METTL2B: variants seen among roughly 807,000 people sequenced by gnomAD.
METTL2B encodes tRNA N(3)-cytidine methyltransferase METTL2B.
Under a neutral mutation model 51.0 loss-of-function variants are expected in METTL2B, and 28 were observed. The observed-to-expected ratio is 0.55, with a 90% CI of 0.41 to 0.75. The LOEUF (loss-of-function observed/expected upper bound fraction) is 0.75. Ranked by LOEUF, METTL2B falls within the 30% of genes least tolerant of loss-of-function variation. The pLI is 0.00. For missense variants in METTL2B, 313 were observed against 460.7 expected (o/e 0.68, Z 2.93); for synonymous variants, 128 against 166.3 (o/e 0.77, Z 1.77).
intron 4 of METTL2B, chr7:128,483,478 T>G (rs1211635420): frequency 6.6e-6 from 1 of 152,520 alleles, no homozygotes; most frequent in East Asian, 1.9e-4. Flanking sequence ...CTCTATTTCC[T>G]TCCTTCCTCA....
intron 7 of METTL2B, among the ~76,000 whole-genome samples, chr7:128,498,808 G>A (rs954470143): frequency 3.9e-5 from 6 of 152,050 alleles, no homozygotes; most frequent in Admixed American, 3.3e-4. Context: ...AGACCAGCCC[G>A]ACCAACATGG....
chr7:128,484,217 C>CTTTTTTTTTTTTTTTTTG (rs1792642432), intron 4 of METTL2B: 5 of 42,414 alleles, frequency 1.2e-4, no homozygotes, highest in African/African-American at 5.0e-4. Flanking sequence ...TGCCTAGATC[C>CTTTTTTTTTTTTTTTTTG]TTTTTTTTTT....
In METTL2B at chr7:128,506,476, G is replaced by A. The variant is rs1419653272; in HGVS notation, c.*4560G>A. 2.0e-5 allele frequency: 3 copies of A among 152,128 alleles called. No individual in the cohort carries two copies. The highest frequency in any genetic ancestry group is 7.2e-5 in the African/African-American group (3 of 41,426). The allele number at this position is 152,128 out of a possible 1,614,324, so 9.4% of individuals were successfully genotyped here. A position where few individuals can be genotyped will look rare whatever the true frequency, so the allele number is the denominator to read the frequency against. ...TCTCAGGCCAAATTTGACTCTGTAAGGGACTTTGCATAACGTTTCATCCTC... is the reference window on the plus strand; with the variant it reads ...TCTCAGGCCAAATTTGACTCTGTAAAGGACTTTGCATAACGTTTCATCCTC... On this transcript the variant is annotated 3_prime_UTR_variant, in exon 9 of 9. Transcript: ENST00000262432.
intron 4 of METTL2B, among the ~76,000 whole-genome samples, chr7:128,484,834 G>A (rs1177637716): frequency 6.6e-6 from 1 of 152,136 alleles, no homozygotes; most frequent in East Asian, 1.9e-4. Flanking sequence ...GCCTGCCTCG[G>A]CCTGCCAAAG....
chr7:128,485,300 A>G (rs1297380776), intron 4 of METTL2B, among the ~76,000 whole-genome samples: 2 of 152,268 alleles, frequency 1.3e-5, no homozygotes, highest in East Asian at 1.9e-4. Flanking sequence ...TGGAAGGCCA[A>G]GGAGATAGGA....
intron 7 of METTL2B, 82 bp downstream of exon 7, chr7:128,498,224 C>G: frequency 6.8e-7 from 1 of 1,474,150 alleles, no homozygotes; most frequent in Non-Finnish European, 9.2e-7. Flanking sequence ...TCATCATTCT[C>G]AGCAAACTAA....
chr7:128,494,432 T>G (rs1441720358), intron 6 of METTL2B, among the ~76,000 whole-genome samples: 2 of 152,262 alleles, frequency 1.3e-5, no homozygotes, highest in African/African-American at 4.8e-5. Flanking sequence ...GTCCAACTTC[T>G]GTTCTGGCCT....
Position 128,479,193 on chromosome 7 carries a change from G to T in METTL2B, c.238G>T (p.Asp80Tyr), listed in dbSNP as rs1480755207. The change falls in exon 3 of 9, where the codon GAC (aspartate) becomes TAC (tyrosine). Residue 80 changes from aspartate to tyrosine, a missense_variant. By Grantham distance (160) the Asp-to-Tyr change is radical. Around this residue, in one of 4 missense-constraint regions of METTL2B, gnomAD observed 67 missense variants for 101.4 expected, o/e 0.66. Coordinates refer to ENST00000262432, the MANE Select transcript of METTL2B (RefSeq NM_018396.3). ...GATCAATGCCCACAAATACTGGAAT[G>T]ACTTCTACAAAATCCACGAAAATGG... is the stretch of plus-strand genomic sequence containing the variant. ...YEINAHKYWN[D>Y]FYKIHENGFF... 17 of 1,613,984 alleles carry T rather than the reference G, an allele frequency of 1.1e-5. No individual in the cohort carries two copies. Among genetic ancestry groups the T allele is most frequent in the Non-Finnish European group, 1.4e-5 (17 of 1,179,832 alleles).
rs1793106318 is a variant in METTL2B, at chr7:128,505,288, G to C, written c.*3372G>C. The C allele has an allele frequency of 6.6e-6, 1 of 151,818 alleles. No individual in the cohort carries two copies. The highest frequency in any genetic ancestry group is 6.6e-5 in the Admixed American group (1 of 15,210). 9.4% of individuals were successfully genotyped at this position (151,818 alleles called of 1,614,324 possible). ...CTCAAAATAAAAAAACAAAAAAAATGTAAAAAATAAATAATTGTATTGAAT... is the reference window on the plus strand; with the variant it reads ...CTCAAAATAAAAAAACAAAAAAAATCTAAAAAATAAATAATTGTATTGAAT... On this transcript the variant is annotated 3_prime_UTR_variant, in exon 9 of 9. Transcript: ENST00000262432.
chr7:128,491,322 G>A (rs940796242), intron 5 of METTL2B, among the ~76,000 whole-genome samples: 3 of 151,752 alleles, frequency 2.0e-5, no homozygotes, highest in Admixed American at 6.6e-5. Context: ...TAGGCCGGGT[G>A]CAGTGGTTCA....
Position 128,501,399 on chromosome 7 carries a change from C to A in METTL2B, c.983-363C>A, listed in dbSNP as rs987896666. 4.1e-5 allele frequency: 40 copies of A among 985,316 alleles called. 1 individual carries two copies. Among genetic ancestry groups the A allele is most frequent in the Non-Finnish European group, 4.6e-5 (38 of 829,916 alleles). 61.0% of individuals were successfully genotyped at this position (985,316 alleles called of 1,614,324 possible). ...TCATCCTTCACTTGGGCCTTCTGTT[C>A]CTGGGCCCTTTTTAGGGTCACCTTC... On this transcript the variant is annotated intron_variant, in intron 8 of 8. Transcript: ENST00000262432.
Position 128,502,811 on chromosome 7 carries a change from T to A in METTL2B, c.*895T>A, listed in dbSNP as rs1793055652. The stretch of plus-strand genomic sequence containing the variant: ...TACTCGGGAGGCTGAGGCAGGAGAA[T>A]CACTTGAACCCAGGAGGCAGAGGTT... On this transcript the variant is annotated 3_prime_UTR_variant, in exon 9 of 9. Coordinates refer to ENST00000262432, the MANE Select transcript of METTL2B (RefSeq NM_018396.3). The A allele has an allele frequency of 1.9e-5, 6 of 315,946 alleles. No homozygotes were observed. Among genetic ancestry groups the A allele is most frequent in the South Asian group, 1.4e-4 (6 of 43,718 alleles). The allele number at this position is 315,946 out of a possible 1,614,324, so 19.6% of individuals were successfully genotyped here.
At position 128,502,463 on chromosome 7, in the gene METTL2B, G is replaced by T. The variant is rs1463105021; in HGVS notation, c.*547G>T. On this transcript the variant is annotated 3_prime_UTR_variant, in exon 9 of 9. Coordinates refer to ENST00000262432, the MANE Select transcript of METTL2B (RefSeq NM_018396.3). ...GCAATTGCAGTTAATACATACAGGG[G>T]TTAGTGAAGGGCTTATTAAGTTGTA... is the stretch of plus-strand genomic sequence containing the variant. The T allele has an allele frequency of 7.8e-6, 3 of 385,324 alleles. No individual in the cohort carries two copies. The highest frequency in any genetic ancestry group is 1.5e-5 in the Non-Finnish European group (3 of 198,834). The allele number at this position is 385,324 out of a possible 1,614,324, so 23.9% of individuals were successfully genotyped here. A position where few individuals can be genotyped will look rare whatever the true frequency, so the allele number is the denominator to read the frequency against.
chr7:128,496,175 A>G (rs1032129117), intron 6 of METTL2B, among the ~76,000 whole-genome samples: 5 of 152,180 alleles, frequency 3.3e-5, no homozygotes, highest in Non-Finnish European at 7.3e-5. Context: ...AAGTTATCCA[A>G]CCTTAGAGGA....
chr7:128,494,980 T>A (rs1389482498), intron 6 of METTL2B, among the ~76,000 whole-genome samples: 1 of 150,432 alleles, frequency 6.6e-6, no homozygotes, highest in Non-Finnish European at 1.5e-5. Flanking sequence ...AGTGATGAGA[T>A]CTTGGCTCAC....
Position 128,502,229 on chromosome 7 carries a change from G to A in METTL2B, c.*313G>A. 3.1e-6 allele frequency: 1 copy of A among 320,078 alleles called. No individual in the cohort carries two copies. The highest frequency in any genetic ancestry group is 6.7e-5 in the East Asian group (1 of 14,888). The allele number at this position is 320,078 out of a possible 1,614,324, so 19.8% of individuals were successfully genotyped here. ...ATTCTAACAATTATGCTTCATATTT[G>A]TGAAGTCCTTTAAAACATAATTTTC... On this transcript the variant is annotated 3_prime_UTR_variant, in exon 9 of 9. Transcript: ENST00000262432.
rs371937633 is a variant in METTL2B at position 128,494,667 on chromosome 7, G to A, written c.809+724G>A. 2.1e-4 allele frequency among the ~76,000 whole-genome samples: 32 copies of A among 151,864 alleles called. No individual in the cohort carries two copies. In the South Asian group the frequency reaches 3.1e-3, roughly 15 times the overall value. On this transcript the variant is annotated intron_variant, in intron 6 of 8. Transcript: ENST00000262432. ...TTTTGAGACAGAGTCTCGCCCTGTTGCCCGGGCTGGAATACAATGGCGTGA... is the reference window on the plus strand; with the variant it reads ...TTTTGAGACAGAGTCTCGCCCTGTTACCCGGGCTGGAATACAATGGCGTGA...
intron 7 of METTL2B, among the ~76,000 whole-genome samples, chr7:128,500,385 C>G (rs1793007563): frequency 6.6e-6 from 1 of 152,124 alleles, no homozygotes; most frequent in Non-Finnish European, 1.5e-5. Flanking sequence ...CTTTGGGAGG[C>G]CAAGGCGGGT....
chr7:128,487,030 G>A (rs1156714015), intron 4 of METTL2B, among the ~76,000 whole-genome samples: 1 of 152,204 alleles, frequency 6.6e-6, no homozygotes, highest in Non-Finnish European at 1.5e-5. Flanking sequence ...TGATGGAAAT[G>A]TTCTGCATCT....
Sources: gnomAD v4.1 joint callset for allele counts (sites outside exome capture counted in the v4.1 genomes callset) on GRCh38, gnomAD v4.1.1 for gene constraint, gnomAD v4.1.1 regional missense constraint, MANE v1.5 for transcripts, NCBI Gene and HGNC (gene_info 2026-07-23, HGNC 2026-07-21) for gene names.